CDH8: variants seen among roughly 807,000 people sequenced by gnomAD.
CDH8 encodes the protein cadherin-8.
Under a neutral mutation model 68.1 loss-of-function variants are expected in CDH8, and 17 were observed. The ratio of observed to expected loss-of-function variants is 0.25; its 90% CI spans 0.17 to 0.37. CDH8 has a LOEUF of 0.37. CDH8 is among the 10% of genes least tolerant of loss of function. The pLI is 1.00. For missense variants in CDH8, 763 were observed against 999.3 expected (o/e 0.76, Z 3.19); for synonymous variants, 372 against 365.1 (o/e 1.02, Z -0.21).
intron 7 of CDH8, among the ~76,000 whole-genome samples, chr16:61,810,937 T>C (rs1412050779): frequency 3.3e-5 from 5 of 150,918 alleles, no homozygotes; most frequent in Non-Finnish European, 7.4e-5. Flanking sequence ...GGCAGAAGAA[T>C]TGCTTGAACC....
intron 10 of CDH8, among the ~76,000 whole-genome samples, chr16:61,684,024 C>T: frequency 6.6e-6 from 1 of 151,988 alleles, no homozygotes; most frequent in East Asian, 1.9e-4. Context: ...ACCTTCCCTC[C>T]AATATTTGCT....
Position 61,649,086 on chromosome 16 carries a change from G to C in CDH8, c.*4522C>G, listed in dbSNP as rs1258256061. On this transcript the variant is annotated 3_prime_UTR_variant, in exon 12 of 12. Coordinates refer to ENST00000577390, the MANE Select transcript of CDH8 (RefSeq NM_001796.5). ...TAGCAAATAAAACAGTATTGAAATT[G>C]AAAAAATATAGAAAAGTATTTCCTG... 6.6e-6 allele frequency: 1 copy of C among 151,842 alleles called. No individual in the cohort carries two copies. The highest frequency in any genetic ancestry group is 1.5e-5 in the Non-Finnish European group (1 of 67,882). 9.4% of individuals were successfully genotyped at this position (151,842 alleles called of 1,614,324 possible). A position where few individuals can be genotyped will look rare whatever the true frequency, so the allele number is the denominator to read the frequency against.
intron 10 of CDH8, among the ~76,000 whole-genome samples, chr16:61,688,990 A>G (rs1300710558): frequency 6.6e-6 from 1 of 152,014 alleles, no homozygotes; most frequent in Admixed American, 6.6e-5. Context: ...TTAACCACCT[A>G]TTTCACCACC....
At chr16:61,990,305 C>CTT (rs71134381) in intron 2 of CDH8, among the ~76,000 whole-genome samples, 74 of 83,018 alleles carry the variant, frequency 8.9e-4, no homozygotes, top group African/African-American at 1.0e-3. Flanking sequence ...TGAAGAAGTC[C>CTT]TTTTTTTTTT....
chr16:61,831,003 T>G (rs1206453872), intron 4 of CDH8, among the ~76,000 whole-genome samples: 1 of 151,842 alleles, frequency 6.6e-6, no homozygotes, highest in Non-Finnish European at 1.5e-5. Context: ...AGAACATCCC[T>G]GGGACAAACT....
At chr16:61,832,383 C>A (rs150804207) in intron 4 of CDH8, among the ~76,000 whole-genome samples, 3,521 of 115,272 alleles carry the variant, frequency 0.031, 60 homozygotes, top group Non-Finnish European at 0.046. Flanking sequence ...TAGATAGATA[C>A]ATAGAGAAAT....
chr16:61,897,627 G>C (rs1223451457), intron 3 of CDH8, among the ~76,000 whole-genome samples: 1 of 152,146 alleles, frequency 6.6e-6, no homozygotes, highest in Non-Finnish European at 1.5e-5. Flanking sequence ...GCATGAAGAT[G>C]TAGAAATCAT....
At chr16:61,788,962 T>C (rs1306401893) in intron 8 of CDH8, among the ~76,000 whole-genome samples, 1 of 152,088 alleles carries the variant, frequency 6.6e-6, no homozygotes, top group East Asian at 1.9e-4. Flanking sequence ...GATTTAAATA[T>C]GTGTTTCTAT....
At chr16:61,762,843 A>C (rs1244246312) in intron 8 of CDH8, among the ~76,000 whole-genome samples, 1 of 152,200 alleles carries the variant, frequency 6.6e-6, no homozygotes, top group African/African-American at 2.4e-5. Context: ...TTAGAAATGT[A>C]GAATCTGCAC....
At chr16:61,857,301 T>A in intron 3 of CDH8, 63 bp from the exon 4 acceptor site, 2 of 1,419,796 alleles carry the variant, frequency 1.4e-6, no homozygotes, top group Non-Finnish European at 2.0e-6. Context: ...AAGAGCTACA[T>A]TTTGTCAAGT....
intron 10 of CDH8, among the ~76,000 whole-genome samples, chr16:61,678,145 C>T (rs140970675): frequency 1.1e-4 from 17 of 152,132 alleles, no homozygotes; most frequent in African/African-American, 3.9e-4. Flanking sequence ...TGCTCCCCAA[C>T]CAACACCCTT....
intron 10 of CDH8, among the ~76,000 whole-genome samples, chr16:61,684,149 A>G (rs1262380192): frequency 6.6e-6 from 1 of 152,042 alleles, no homozygotes; most frequent in South Asian, 2.1e-4. Context: ...TGTAGCTATC[A>G]TATGTGTGAT....
At chr16:61,715,348 GTC>G (rs1964709317) in intron 9 of CDH8, among the ~76,000 whole-genome samples, 1 of 151,564 alleles carries the variant, frequency 6.6e-6, no homozygotes, top group Non-Finnish European at 1.5e-5. Context: ...TAAGATAAAA[GTC>G]ACAGCTCTGT....
At chr16:61,862,135 TCACACA>T (rs3069990) in intron 3 of CDH8, among the ~76,000 whole-genome samples, 4,715 of 146,200 alleles carry the variant, frequency 0.032, 94 homozygotes, top group South Asian at 0.056. Context: ...CAAACACCAC[TCACACA>T]CACACACACA....
In CDH8 at chr16:61,649,916, T is replaced by G. The variant is rs2142728816; in HGVS notation, c.*3692A>C. On this transcript the variant is annotated 3_prime_UTR_variant, in exon 12 of 12. Transcript: ENST00000577390. The stretch of plus-strand genomic sequence containing the variant: ...TCTCATGCAGAGACTTGTCTTACTT[T>G]AAGCATCTGATTAAGCAGACTCTCC... The G allele has an allele frequency of 6.6e-6, 1 of 152,258 alleles. No homozygotes were observed. The highest frequency in any genetic ancestry group is 6.6e-5 in the Admixed American group (1 of 15,264). The allele number at this position is 152,258 out of a possible 1,614,324, so 9.4% of individuals were successfully genotyped here. A position where few individuals can be genotyped will look rare whatever the true frequency, so the allele number is the denominator to read the frequency against.
chr16:62,014,872 A>T (rs1901898576), intron 2 of CDH8, among the ~76,000 whole-genome samples: 1 of 152,180 alleles, frequency 6.6e-6, no homozygotes, highest in Admixed American at 6.5e-5. Flanking sequence ...GATTTAGTAT[A>T]GAAGAACTAT....
At chr16:61,910,090 G>C (rs905161345) in intron 2 of CDH8, among the ~76,000 whole-genome samples, 1 of 151,988 alleles carries the variant, frequency 6.6e-6, no homozygotes, top group African/African-American at 2.4e-5. Context: ...TACTTATTAT[G>C]ATGAGCAAAT....
intron 3 of CDH8, among the ~76,000 whole-genome samples, chr16:61,873,535 C>T (rs926669833): frequency 1.3e-5 from 2 of 152,278 alleles, no homozygotes; most frequent in Admixed American, 6.5e-5. Context: ...CTCTCAAATA[C>T]GTTTACTATA....
At chr16:61,788,884 C>G (rs1400492067) in intron 8 of CDH8, among the ~76,000 whole-genome samples, 2 of 151,918 alleles carry the variant, frequency 1.3e-5, no homozygotes, top group Admixed American at 1.3e-4. Flanking sequence ...ATAATCTCTC[C>G]TACCCAAAAT....
Sources: allele counts gnomAD v4.1 joint callset (sites outside exome capture counted in the v4.1 genomes callset), GRCh38; gene constraint gnomAD v4.1.1; transcripts MANE v1.5; gene names NCBI Gene and HGNC (gene_info 2026-07-23, HGNC 2026-07-21).